Variants in SEPTIN9 observed in about 807,000 individuals in gnomAD.
SEPTIN9 encodes septin-9.
SEPTIN9 carries 13 observed loss-of-function variants against 56.6 expected under a neutral mutation model. That is an observed-to-expected ratio of 0.23 (90% confidence interval 0.15 to 0.37). The LOEUF (loss-of-function observed/expected upper bound fraction) is 0.37, where lower values mean the gene tolerates loss of function less well. Among genes scored for constraint, SEPTIN9 ranks in the 10% least tolerant of loss-of-function variants. The pLI, the probability that SEPTIN9 is intolerant of heterozygous loss-of-function variation, is 1.00. For synonymous variants in SEPTIN9, 332 were observed against 334.1 expected, an observed-to-expected ratio of 0.99 and a Z score of 0.07; for missense variants, 650 against 823.1, an observed-to-expected ratio of 0.79 and a Z score of 2.57.
At chr17:77,364,217 G>A (rs548963531) in intron 2 of SEPTIN9, among the ~76,000 whole-genome samples, 10 of 152,342 alleles carry the variant, frequency 6.6e-5, no homozygotes, top group African/African-American at 2.2e-4. Context: ...TGCCTCCCAC[G>A]CAGAGCGTTC....
At chr17:77,312,042 C>G (rs1424023958) in intron 2 of SEPTIN9, among the ~76,000 whole-genome samples, 2 of 152,188 alleles carry the variant, frequency 1.3e-5, no homozygotes, top group Non-Finnish European at 2.9e-5. Context: ...AACAGGCTGC[C>G]AAGATCTCAT....
At chr17:77,322,025 T>C (rs1330336911) in intron 2 of SEPTIN9, among the ~76,000 whole-genome samples, 1 of 152,174 alleles carries the variant, frequency 6.6e-6, no homozygotes, top group Non-Finnish European at 1.5e-5. Context: ...GTGGGTCCCC[T>C]GCCTCCTGGG....
At chr17:77,409,502 C>T (rs1416302696) in intron 3 of SEPTIN9, among the ~76,000 whole-genome samples, 1 of 150,052 alleles carries the variant, frequency 6.7e-6, no homozygotes, top group Non-Finnish European at 1.5e-5. Context: ...TAGAGCGCAG[C>T]TGCGGGGAAG....
intron 2 of SEPTIN9, chr17:77,373,561 T>C: frequency 6.5e-7 from 1 of 1,544,708 alleles, no homozygotes; most frequent in Non-Finnish European, 8.7e-7. Context: ...AGGTGGGTGC[T>C]GGGCTGGCTG....
intron 2 of SEPTIN9, among the ~76,000 whole-genome samples, chr17:77,372,977 G>A (rs915050121): frequency 5.5e-4 from 83 of 152,276 alleles, no homozygotes; most frequent in African/African-American, 1.8e-3. Flanking sequence ...TGCGCCCGGG[G>A]AAGGGGAGGA....
intron 3 of SEPTIN9, among the ~76,000 whole-genome samples, chr17:77,438,918 C>A (rs1382753553): frequency 1.3e-5 from 2 of 152,194 alleles, no homozygotes; most frequent in East Asian, 3.8e-4. Context: ...TAGGAAAGGT[C>A]TCCCATGTCT....
intron 3 of SEPTIN9, among the ~76,000 whole-genome samples, chr17:77,419,006 CA>C (rs1977415768): frequency 6.6e-6 from 1 of 152,198 alleles, no homozygotes; most frequent in Non-Finnish European, 1.5e-5. Context: ...CCTGGCCTCC[CA>C]AAGCCCAGCC....
At chr17:77,320,449 C>G (rs149439565) in intron 2 of SEPTIN9, 1 of 1,002,910 alleles carries the variant, frequency 1.0e-6, no homozygotes, top group African/African-American at 1.6e-5. Context: ...CGCTTTTGCT[C>G]ATTTTTCACA....
intron 3 of SEPTIN9, among the ~76,000 whole-genome samples, chr17:77,466,164 C>T (rs2038716637): frequency 6.6e-6 from 1 of 152,276 alleles, no homozygotes; most frequent in South Asian, 2.1e-4. Context: ...AACCACCACA[C>T]AGCCTGTAAA....
At chr17:77,328,306 A>C (rs1436569463) in intron 2 of SEPTIN9, among the ~76,000 whole-genome samples, 11 of 152,316 alleles carry the variant, frequency 7.2e-5, no homozygotes, top group African/African-American at 2.6e-4. Flanking sequence ...GGTTGAGTTC[A>C]TCTTGTGCTC....
Position 77,323,765 on chromosome 17 carries a change from T to A in SEPTIN9, c.76+16568T>A, listed in dbSNP as rs1194583216. 6.6e-6 allele frequency: 1 copy of A among 152,530 alleles called. No homozygotes were observed. The highest frequency in any genetic ancestry group is 1.5e-5 in the Non-Finnish European group (1 of 68,310). 9.4% of individuals were successfully genotyped at this position (152,530 alleles called of 1,614,324 possible). ...GGAGTTCTTACCCCTGGACGCTCGG[T>A]GCCTGTCCGGTCTCAACCTCTCCAG... On this transcript the variant is annotated intron_variant, in intron 2 of 11. Coordinates refer to ENST00000427177, the MANE Select transcript of SEPTIN9 (RefSeq NM_001113491.2). The surrounding 1 kb of genome is among the most constrained non-coding windows in gnomAD (Gnocchi z 6.8).
Position 77,429,139 on chromosome 17 carries a change from G to A in SEPTIN9, c.721+26436G>A, listed in dbSNP as rs554302948. The A allele has an allele frequency of 2.1e-5, 10 of 471,714 alleles. No individual in the cohort carries two copies. Among genetic ancestry groups the A allele is most frequent in the Middle Eastern group, 3.2e-4 (1 of 3,082 alleles). The allele number at this position is 471,714 out of a possible 1,614,324, so 29.2% of individuals were successfully genotyped here. On this transcript the variant is annotated intron_variant, in intron 3 of 11. Coordinates refer to ENST00000427177, the MANE Select transcript of SEPTIN9 (RefSeq NM_001113491.2). This position sits in a 1 kb window ranked among gnomAD's most constrained non-coding sequence, Gnocchi z 5.2. ...TGTGAGGCCAAGCTCCTGGGGTGGG[G>A]ACTTGGGGGTGTGTCTGCAGCTCCT...
In SEPTIN9 at chr17:77,405,761, C is replaced by T. The variant is rs913682550; in HGVS notation, c.721+3058C>T. 2.6e-5 allele frequency among the ~76,000 whole-genome samples: 4 copies of T among 152,186 alleles called. No individual in the cohort carries two copies. Among genetic ancestry groups the T allele is most frequent in the African/African-American group, 9.7e-5 (4 of 41,434 alleles). ...ACCTGCTTGCTTCTCCGTCCTCCCT[C>T]TCTGTGTCACGACCGTTCTGGACAC... On this transcript the variant is annotated intron_variant, in intron 3 of 11. Coordinates refer to ENST00000427177, the MANE Select transcript of SEPTIN9 (RefSeq NM_001113491.2). This position sits in a 1 kb window ranked among gnomAD's most constrained non-coding sequence, Gnocchi z 5.8.
chr17:77,385,676 G>A (rs1471859642), intron 2 of SEPTIN9, among the ~76,000 whole-genome samples: 1 of 152,260 alleles, frequency 6.6e-6, no homozygotes, highest in Admixed American at 6.5e-5. Context: ...CTGGCAGTCA[G>A]GGGACCTGAG....
intron 2 of SEPTIN9, among the ~76,000 whole-genome samples, chr17:77,379,694 GC>G (rs916380287): frequency 2.6e-5 from 4 of 152,186 alleles, no homozygotes; most frequent in African/African-American, 9.7e-5. Context: ...CCAGCCAAAT[GC>G]CCGTCCATCA....
intron 2 of SEPTIN9, among the ~76,000 whole-genome samples, chr17:77,351,266 C>T (rs937187911): frequency 1.4e-5 from 2 of 142,046 alleles, no homozygotes. Context: ...CACACACACA[C>T]ACACGAGTCA....
intron 4 of SEPTIN9, among the ~76,000 whole-genome samples, chr17:77,484,900 G>A (rs2039655342): frequency 1.0e-5 from 1 of 100,078 alleles, no homozygotes; most frequent in African/African-American, 6.2e-5. Context: ...TGGTGGTGGT[G>A]GTGATGGTGA....
chr17:77,443,663 G>A (rs1272031572), intron 3 of SEPTIN9, among the ~76,000 whole-genome samples: 6 of 152,026 alleles, frequency 3.9e-5, no homozygotes, highest in African/African-American at 7.3e-5. Context: ...TTGGCGTGGC[G>A]GCGCATGCTT....
At chr17:77,481,846 G>A (rs1308065806) in intron 3 of SEPTIN9, 4 of 458,240 alleles carry the variant, frequency 8.7e-6, no homozygotes, top group Non-Finnish European at 1.2e-5. Context: ...GAGCGCAGGG[G>A]GCCCCCAGCT....
Sources: gnomAD v4.1 joint callset for allele counts (sites outside exome capture counted in the v4.1 genomes callset) on GRCh38, gnomAD v4.1.1 for gene constraint, Gnocchi (gnomAD v3.1) non-coding constraint, MANE v1.5 for transcripts, NCBI Gene and HGNC (gene_info 2026-07-23, HGNC 2026-07-21) for gene names.